The following HYI variants were observed in gnomAD, a reference collection of about 807,000 sequenced individuals.
HYI encodes hydroxypyruvate isomerase (putative), also known as putative hydroxypyruvate isomerase.
In HYI, 47 loss-of-function variants were observed where a neutral mutation model predicts 39.7. The observed-to-expected ratio is 1.18, with a 90% CI of 0.94 to 1.51. The LOEUF (loss-of-function observed/expected upper bound fraction) is 1.51. Among genes scored for constraint, HYI ranks in the 40% most tolerant of loss-of-function variants. The pLI is 0.00. For synonymous variants in HYI, 186 were observed against 158.8 expected (o/e 1.17, Z -1.29); for missense variants, 465 against 370.3 (o/e 1.26, Z -2.10).
At position 43,453,745 on chromosome 1, in the gene HYI, G is replaced by C. The variant is rs1008698980; in HGVS notation, c.49C>G (p.Leu17Val). 1.4e-6 allele frequency: 2 copies of C among 1,382,096 alleles called. No individual in the cohort carries two copies. The highest frequency in any genetic ancestry group is 9.3e-7 in the Non-Finnish European group (1 of 1,079,844). The allele number at this position is 1,382,096 out of a possible 1,614,324, so 85.6% of individuals were successfully genotyped here. A position where few individuals can be genotyped will look rare whatever the true frequency, so the allele number is the denominator to read the frequency against. Residue 17 changes from leucine (L) to valine (V), a missense_variant, in exon 1 of 8, where the codon CTC (leucine) becomes GTC (valine). Coordinates refer to ENST00000372430, the MANE Select transcript of HYI (RefSeq NM_001190880.3). ...SANLSWLFPE[L>V]SGLPARVRAA... is the part of the protein sequence containing the mutation. ...CGCACCCGCGCGGGGAGGCCGGAGA[G>C]CTCGGGGAATAGCCAGGACAGATTG...
Position 43,453,691 on chromosome 1 carries a change from C to A in HYI, c.103G>T (p.Val35Phe). ...RAAGSSGFEA[V>F]EVAWPYAETP... ...TCCGCGTACGGCCAGGCCACCTCGA[C>A]GGCCTCGAAGCCCGAGCTGCCCGCG... Residue 35 changes from valine to phenylalanine, a missense_variant, in exon 1 of 8, where the codon GTC (valine) becomes TTC (phenylalanine). By Grantham distance (50) the Val-to-Phe change is conservative. Coordinates refer to ENST00000372430, the MANE Select transcript of HYI (RefSeq NM_001190880.3). The A allele has an allele frequency of 6.9e-7, 1 of 1,452,386 alleles. No homozygotes were observed. The highest frequency in any genetic ancestry group is 9.0e-7 in the Non-Finnish European group (1 of 1,112,072). The allele number at this position is 1,452,386 out of a possible 1,614,324, so 90.0% of individuals were successfully genotyped here.
At chr1:43,451,360 G>A in intron 7 of HYI, 49 bp from the exon 8 acceptor site, 1 of 1,612,228 alleles carries the variant, frequency 6.2e-7, no homozygotes, top group Non-Finnish European at 8.5e-7. Context: ...GGAGAAAACA[G>A]CCCCTGTCCG....
rs1205292327 is a variant in HYI, at chr1:43,451,469, A to C, written c.701T>G (p.Phe234Cys). Residue 234 changes from phenylalanine to cysteine, a missense_variant, in exon 7 of 8, where the codon TTT becomes TGT. Physicochemically the swap from Phe to Cys is radical, Grantham distance 205. Transcript: ENST00000372430. ...SPGELNFPYL[F>C]QLLEDEGYKG... The stretch of plus-strand genomic sequence containing the variant: ...GTAGCCTTCATCTTCCAGCAGTTGA[A>C]ACAGATAGGGGAAATTCAGCTCTCC... The C allele has an allele frequency of 6.2e-7, 1 of 1,614,076 alleles. No homozygotes were observed. Among genetic ancestry groups the C allele is most frequent in the Non-Finnish European group, 8.5e-7 (1 of 1,180,026 alleles).
In HYI at chr1:43,452,022, ATGTCGGGTGC is replaced by A. The variant is rs747147077; in HGVS notation, c.427-19_427-10del. 6.2e-7 allele frequency: 1 copy of A among 1,601,616 alleles called. No homozygotes were observed. The highest frequency in any genetic ancestry group is 1.1e-5 in the South Asian group (1 of 89,360). ...AGTCCCACGAGGTCCTCCTAGCAGC[ATGTCGGGTGC>A]TGTGAATAGAGCTCCTTCCCAAGTT... On this transcript the variant is annotated splice_polypyrimidine_tract_variant and intron_variant, in intron 3 of 7. Coordinates refer to ENST00000372430, the MANE Select transcript of HYI (RefSeq NM_001190880.3).
At chr1:43,452,527 C>T in intron 2 of HYI, 1 of 664,228 alleles carries the variant, frequency 1.5e-6, no homozygotes, top group East Asian at 2.7e-5. Flanking sequence ...CAGTGTCCAC[C>T]CACCGCCTCC....
intron 2 of HYI, 88 bp downstream of exon 2, chr1:43,453,298 T>A: frequency 2.3e-6 from 2 of 852,920 alleles, no homozygotes. Context: ...CTCAGACTTC[T>A]GAGCGTCTCA....
In HYI at chr1:43,451,698, A is replaced by T; in HGVS notation, c.575T>A (p.Ile192Asn). 1 of 1,614,166 alleles carries T rather than the reference A, an allele frequency of 6.2e-7. No homozygotes were observed. The change falls in exon 6 of 8, where the codon ATC (isoleucine) becomes AAC (asparagine). Residue 192 changes from isoleucine (I) to asparagine (N), a missense_variant. By Grantham distance (149) the Ile-to-Asn change is moderately radical (BLOSUM62 -3). Coordinates refer to ENST00000372430, the MANE Select transcript of HYI (RefSeq NM_001190880.3). ...QLQMDIFHWQ[I>N]MDGNLTGNIR... is the part of the protein sequence containing the mutation. Reference sequence around the variant, plus strand: ...GTTTCCTGTCAGGTTCCCATCCATGATCTGCCAGTGGAATATGTCCTAGGG... The same window carrying T: ...GTTTCCTGTCAGGTTCCCATCCATGTTCTGCCAGTGGAATATGTCCTAGGG...
chr1:43,453,803 G>A lies in HYI; in HGVS notation c.-10C>T. 1 of 1,257,048 alleles carries A rather than the reference G, an allele frequency of 8.0e-7. No individual in the cohort carries two copies. Among genetic ancestry groups the A allele is most frequent in the Admixed American group, 4.1e-5 (1 of 24,316 alleles). 77.9% of individuals were successfully genotyped at this position (1,257,048 alleles called of 1,614,324 possible). A position where few individuals can be genotyped will look rare whatever the true frequency, so the allele number is the denominator to read the frequency against. On this transcript the variant is annotated 5_prime_UTR_variant, in exon 1 of 8. Coordinates refer to ENST00000372430, the MANE Select transcript of HYI (RefSeq NM_001190880.3). ...AGCGCAGCGGCGCCATGCCTGGGGA[G>A]GCCGGGCCGGGCGGAGTCCGCGGGA...
chr1:43,450,830 G>A, downstream of HYI: 1 of 708,858 alleles, frequency 1.4e-6, no homozygotes, highest in Non-Finnish European at 2.6e-6. The surrounding 1 kb of genome is among the most constrained non-coding windows in gnomAD (Gnocchi z 4.3). Context: ...CCTGAATCCT[G>A]CCCCCTAGCC....
chr1:43,452,741 C>G (rs1656578410), intron 2 of HYI: 1 of 687,690 alleles, frequency 1.5e-6, no homozygotes, highest in Non-Finnish European at 2.5e-6. Context: ...AGTAGTGATC[C>G]CCTCTTGCCA....
chr1:43,453,409 A>C lies in HYI; in HGVS notation c.288T>G (p.Tyr96Ter). The stretch of plus-strand genomic sequence containing the variant: ...ACCTGGGACAGCCCAGGGCTTTGGC[A>C]TACCGCACGGCCTGCTCCAGTCCCT... Reference protein sequence around the residue: ...FREGLEQAVRYAKALGCPRIH... With the variant: ...FREGLEQAVR The change falls in exon 2 of 8, where the codon TAT becomes TAG. Residue 96 changes from tyrosine (Y) to a stop codon, truncating the protein, a stop_gained. Transcript: ENST00000372430. LOFTEE classifies it high-confidence loss of function. 1 of 1,557,228 alleles carries C rather than the reference A, an allele frequency of 6.4e-7. No individual in the cohort carries two copies. Among genetic ancestry groups the C allele is most frequent in the Admixed American group, 1.9e-5 (1 of 53,054 alleles).
In HYI at chr1:43,451,554, G is replaced by C; in HGVS notation, c.626-10C>G. 2 of 1,613,728 alleles carry C rather than the reference G, an allele frequency of 1.2e-6. No individual in the cohort carries two copies. Among genetic ancestry groups the C allele is most frequent in the Non-Finnish European group, 1.7e-6 (2 of 1,179,720 alleles). On this transcript the variant is annotated splice_polypyrimidine_tract_variant and intron_variant, in intron 6 of 7. Coordinates refer to ENST00000372430, the MANE Select transcript of HYI (RefSeq NM_001190880.3). ...GCCACCTGCACATGCCCTGGGGACA[G>C]ATGTGGACAAATGTGGGGTCCAGGC... is the stretch of plus-strand genomic sequence containing the variant.
chr1:43,451,425 C>T lies in HYI; in HGVS notation c.745G>A (p.Glu249Lys), dbSNP rs1418492030. The T allele has an allele frequency of 6.2e-7, 1 of 1,613,216 alleles. No homozygotes were observed. Among genetic ancestry groups the T allele is most frequent in the African/African-American group, 1.3e-5 (1 of 75,052 alleles). ...DEGYKGFVGC[E>K]YQPRGDTVEG... ...CACGCCTCACCTCGAGGCTGATACTCACAGCCCACGAAGCCTTTGTAGCCT... is the reference window on the plus strand; with the variant it reads ...CACGCCTCACCTCGAGGCTGATACTTACAGCCCACGAAGCCTTTGTAGCCT... Residue 249 changes from glutamate to lysine, a missense_variant, in exon 7 of 8, where the codon GAG becomes AAG. Transcript: ENST00000372430.
chr1:43,453,610 T>G lies in HYI; in HGVS notation c.184A>C (p.Ile62Leu), dbSNP rs1465932367. The G allele has an allele frequency of 6.5e-7, 1 of 1,529,424 alleles. No homozygotes were observed. Among genetic ancestry groups the G allele is most frequent in the Non-Finnish European group, 8.8e-7 (1 of 1,139,792 alleles). 94.7% of individuals were successfully genotyped at this position (1,529,424 alleles called of 1,614,324 possible). A position where few individuals can be genotyped will look rare whatever the true frequency, so the allele number is the denominator to read the frequency against. ...CGCGACGCACCCGGGGGCGTGTTGA[T>G]CAGTACAAGCCGCAGCCCCGCTTCT... ...AREAGLRLVLINTPPGDQEKG... is the reference protein window; with the variant it reads ...AREAGLRLVLLNTPPGDQEKG... The change falls in exon 1 of 8, where the codon ATC becomes CTC. Residue 62 changes from isoleucine to leucine, a missense_variant. Transcript: ENST00000372430.
At chr1:43,452,720 C>G (rs1389759662) in intron 2 of HYI, 2 of 629,602 alleles carry the variant, frequency 3.2e-6, no homozygotes, top group African/African-American at 3.7e-5. Context: ...TTTCTGCCCC[C>G]ACCATTGACC....
At position 43,453,866 on chromosome 1, in the gene HYI, G is replaced by C. The variant is rs1656752942; in HGVS notation, c.-73C>G. The C allele has an allele frequency of 1.6e-6, 2 of 1,228,968 alleles. No individual in the cohort carries two copies. The highest frequency in any genetic ancestry group is 2.0e-6 in the Non-Finnish European group (2 of 986,904). The allele number at this position is 1,228,968 out of a possible 1,614,324, so 76.1% of individuals were successfully genotyped here. On this transcript the variant is annotated 5_prime_UTR_variant, in exon 1 of 8. Coordinates refer to ENST00000372430, the MANE Select transcript of HYI (RefSeq NM_001190880.3). ...GGGCGGCGGGCGGCGGGCGGCGGGC[G>C]GGGGCGGGGCTCTCCTTGCTGGCCC... is the stretch of plus-strand genomic sequence containing the variant.
Position 43,453,678 on chromosome 1 carries a change from C to T in HYI, c.116G>A (p.Trp39Ter). 2.0e-6 allele frequency: 3 copies of T among 1,464,322 alleles called. No homozygotes were observed. Among genetic ancestry groups the T allele is most frequent in the South Asian group, 1.3e-5 (1 of 75,440 alleles). The allele number at this position is 1,464,322 out of a possible 1,614,324, so 90.7% of individuals were successfully genotyped here. ...CGCCTCAGGCGTCTCCGCGTACGGC[C>T]AGGCCACCTCGACGGCCTCGAAGCC... Reference protein sequence around the residue: ...SSGFEAVEVAWPYAETPEALA... With the variant: ...SSGFEAVEVA The change falls in exon 1 of 8, where the codon TGG (tryptophan) becomes TAG (stop). Residue 39 changes from tryptophan (W) to a stop codon, truncating the protein, a stop_gained. Transcript: ENST00000372430. LOFTEE classifies it high-confidence loss of function.
rs751903191 is a variant in HYI, at chr1:43,451,062, C to T, written c.*176G>A. ...AAGCTCTCCCATCTTCACAGCAACC[C>T]TGGCACTGGCTTCTCAATGGGAGGG... On this transcript the variant is annotated 3_prime_UTR_variant, in exon 8 of 8. Coordinates refer to ENST00000372430, the MANE Select transcript of HYI (RefSeq NM_001190880.3). The T allele has an allele frequency of 1.3e-6, 1 of 798,650 alleles. No individual in the cohort carries two copies. Among genetic ancestry groups the T allele is most frequent in the Non-Finnish European group, 2.2e-6 (1 of 450,120 alleles). The allele number at this position is 798,650 out of a possible 1,614,324, so 49.5% of individuals were successfully genotyped here.
Position 43,451,965 on chromosome 1 carries a change from G to T in HYI, c.475C>A (p.Pro159Thr), listed in dbSNP as rs753810387. The T allele has an allele frequency of 2.0e-5, 33 of 1,612,048 alleles. No individual in the cohort carries two copies. The highest frequency in any genetic ancestry group is 2.6e-5 in the Non-Finnish European group (31 of 1,178,674). Residue 159 changes from proline (P) to threonine (T), a missense_variant, in exon 4 of 8, where the codon CCC becomes ACC. Transcript: ENST00000372430. Reference sequence around the variant, plus strand: ...TGGGGCGTGTCCAGGAAGTACTGGGGGTCAGTGATGCGGGTGTTGATGGGC... The same window carrying T: ...TGGGGCGTGTCCAGGAAGTACTGGGTGTCAGTGATGCGGGTGTTGATGGGC... ...LEPINTRITD[P>T]QYFLDTPQQA...
Sources: gnomAD v4.1 joint callset for allele counts on GRCh38, gnomAD v4.1.1 for gene constraint, Gnocchi (gnomAD v3.1) non-coding constraint, MANE v1.5 for transcripts, NCBI Gene and HGNC (gene_info 2026-07-23, HGNC 2026-07-21) for gene names.